Variants in SOX6 observed in about 807,000 individuals in gnomAD.
The protein encoded by SOX6 is SRY-box transcription factor 6, also known as transcription factor SOX-6.
A neutral mutation model predicts 97.8 loss-of-function variants in SOX6; 11 were observed. The observed-to-expected ratio is 0.11, with a 90% CI of 0.07 to 0.19. The LOEUF (loss-of-function observed/expected upper bound fraction) is 0.19, where lower values mean the gene tolerates loss of function less well. Among genes scored for constraint, SOX6 ranks in the 10% least tolerant of loss-of-function variants. SOX6 has a pLI of 1.00. For missense variants in SOX6, 810 were observed against 1,039.5 expected (o/e 0.78, Z 3.04); for synonymous variants, 360 against 371.4 (o/e 0.97, Z 0.35).
At chr11:16,648,479 C>T (rs901755027) in intron 3 of SOX6, among the ~76,000 whole-genome samples, 1 of 152,126 alleles carries the variant, frequency 6.6e-6, no homozygotes, top group African/African-American at 2.4e-5. Context: ...AAAATACTTA[C>T]CCTGGACATG....
intron 4 of SOX6, among the ~76,000 whole-genome samples, chr11:16,568,182 T>C (rs2133197046): frequency 6.6e-6 from 1 of 152,284 alleles, no homozygotes; most frequent in East Asian, 1.9e-4. Flanking sequence ...AGATATCTCA[T>C]TATGTATATG....
intron 9 of SOX6, among the ~76,000 whole-genome samples, chr11:16,083,167 C>T (rs1026212761): frequency 1.8e-4 from 28 of 152,148 alleles, no homozygotes; most frequent in Admixed American, 1.5e-3. Flanking sequence ...GCATTTCACT[C>T]GGGGAACACA....
At chr11:16,282,755 T>A (rs574327760) in intron 3 of SOX6, among the ~76,000 whole-genome samples, 1 of 151,224 alleles carries the variant, frequency 6.6e-6, no homozygotes, top group Non-Finnish European at 1.5e-5. Flanking sequence ...AAACTAAATA[T>A]CAATTGTCAA....
chr11:16,433,283 C>T (rs992087414), intron 1 of SOX6, among the ~76,000 whole-genome samples: 44 of 152,108 alleles, frequency 2.9e-4, no homozygotes, highest in Middle Eastern at 3.4e-3. Flanking sequence ...AAAAAAATGA[C>T]GAAGCCCTTC....
At chr11:16,624,372 G>C (rs1413666505) in intron 3 of SOX6, among the ~76,000 whole-genome samples, 1 of 151,954 alleles carries the variant, frequency 6.6e-6, no homozygotes, top group Non-Finnish European at 1.5e-5. Flanking sequence ...GTTTTTAGTA[G>C]AGATGGGGTT....
intron 13 of SOX6, among the ~76,000 whole-genome samples, chr11:15,998,169 T>C (rs1212656739): frequency 6.6e-6 from 1 of 151,456 alleles, no homozygotes; most frequent in Admixed American, 6.6e-5. Context: ...CATCTGTTCA[T>C]ATATAATTGT....
chr11:16,090,906 G>A (rs1848670928), intron 9 of SOX6, among the ~76,000 whole-genome samples: 1 of 152,068 alleles, frequency 6.6e-6, no homozygotes, highest in Non-Finnish European at 1.5e-5. Flanking sequence ...ATGGTTCAGG[G>A]AACATTTGTG....
chr11:15,982,207 A>T (rs1180173068), intron 15 of SOX6, among the ~76,000 whole-genome samples: 1 of 152,018 alleles, frequency 6.6e-6, no homozygotes, highest in Admixed American at 6.6e-5. Flanking sequence ...TTTCACATTC[A>T]CATAAGCCTG....
rs556933207 is a variant in SOX6, at chr11:16,683,785, G to A, written n.429+31045C>T. ...CTGCACAGCAAAAGAAACTATCATC[G>A]GAGTGAGCAGGCAACCTACAGAATG... On this transcript the variant is annotated intron_variant and non_coding_transcript_variant, in intron 3 of 5. Coordinates refer to the SOX6 transcript ENST00000524520. Among the ~76,000 whole-genome samples, 23 of 152,110 alleles carry A rather than the reference G, an allele frequency of 1.5e-4. No homozygotes were observed. In the South Asian group the frequency reaches 3.7e-3, roughly 25 times the overall value.
chr11:16,114,745 T>A (rs936292385), intron 6 of SOX6, among the ~76,000 whole-genome samples: 1 of 152,198 alleles, frequency 6.6e-6, no homozygotes. Flanking sequence ...TGGGAATACA[T>A]GCTCATTTGA....
At chr11:16,571,739 C>A (rs1204910532) in intron 4 of SOX6, among the ~76,000 whole-genome samples, 2 of 152,142 alleles carry the variant, frequency 1.3e-5, no homozygotes, top group African/African-American at 4.8e-5. Flanking sequence ...GCAATCTCTG[C>A]CTCCCGGGTT....
Position 15,986,689 on chromosome 11 carries a change from T to C in SOX6, c.1967-269A>G, listed in dbSNP as rs3922559. ...TATATCTTTGCTGCTTAAAGATCAT[T>C]GCCTACACCAAGGTCTTTCCCCATC... On this transcript the variant is annotated intron_variant, in intron 14 of 15. Transcript: ENST00000683767. 0.43 allele frequency among the ~76,000 whole-genome samples: 64,861 copies of C among 151,948 alleles called. 14,231 individuals are homozygous for C. The highest frequency in any genetic ancestry group is 0.63 in the East Asian group (3,259 of 5,176).
At chr11:16,050,313 G>A (rs758893988) in intron 10 of SOX6, among the ~76,000 whole-genome samples, 3 of 152,126 alleles carry the variant, frequency 2.0e-5, no homozygotes, top group Non-Finnish European at 4.4e-5. Context: ...TCTCTGAAAA[G>A]TTCTTGTAGC....
chr11:16,298,689 T>C (rs1405973140), intron 3 of SOX6, among the ~76,000 whole-genome samples: 3 of 152,144 alleles, frequency 2.0e-5, no homozygotes, highest in Admixed American at 1.3e-4. Context: ...TTCTTAACTC[T>C]TATATAAAGA....
At chr11:16,535,005 G>C (rs974856349) in intron 4 of SOX6, among the ~76,000 whole-genome samples, 4 of 152,132 alleles carry the variant, frequency 2.6e-5, no homozygotes, top group African/African-American at 9.7e-5. Context: ...CTTAACCTAA[G>C]CCACAAGCAG....
chr11:15,977,058 C>A (rs1853507959), intron 15 of SOX6, among the ~76,000 whole-genome samples: 1 of 152,212 alleles, frequency 6.6e-6, no homozygotes, highest in South Asian at 2.1e-4. Context: ...AAAATCTCAT[C>A]TTTGAATCTC....
At chr11:16,682,849 C>A (rs992792896) in intron 3 of SOX6, among the ~76,000 whole-genome samples, 5 of 152,104 alleles carry the variant, frequency 3.3e-5, no homozygotes, top group East Asian at 1.9e-4. Flanking sequence ...CCATCATCTC[C>A]GCCCAAAATC....
intron 3 of SOX6, among the ~76,000 whole-genome samples, chr11:16,309,144 A>G (rs1855524195): frequency 6.6e-6 from 1 of 152,246 alleles, no homozygotes; most frequent in Non-Finnish European, 1.5e-5. Flanking sequence ...AAAATGTGTC[A>G]ATATCAATTC....
intron 6 of SOX6, among the ~76,000 whole-genome samples, chr11:16,155,342 C>T (rs7110987): frequency 0.056 from 8,560 of 152,174 alleles, 623 homozygotes; most frequent in East Asian, 0.37. Flanking sequence ...CCTCTCCATG[C>T]TTCACTTTTG....
Sources: gnomAD v4.1 joint callset for allele counts (sites outside exome capture counted in the v4.1 genomes callset) on GRCh38, gnomAD v4.1.1 for gene constraint, MANE v1.5 for transcripts, NCBI Gene and HGNC (gene_info 2026-07-23, HGNC 2026-07-21) for gene names.